RYR2: variants seen among roughly 807,000 people sequenced by gnomAD.
RYR2 encodes cardiac muscle ryanodine receptor-calcium release channel.
Under a neutral mutation model 601.1 loss-of-function variants are expected in RYR2, and 227 were observed. The observed-to-expected ratio is 0.38, with a 90% CI of 0.34 to 0.42. RYR2 has a LOEUF of 0.42. RYR2 is among the 10% of genes least tolerant of loss of function. The pLI is 1.00. For missense variants in RYR2, 4,646 were observed against 6,156.5 expected (o/e 0.75, Z 8.21); for synonymous variants, 2,223 against 2,175.1 (o/e 1.02, Z -0.61).
At chr1:237,584,717 G>A (rs573620456) in intron 29 of RYR2, among the ~76,000 whole-genome samples, 157 of 131,426 alleles carry the variant, frequency 1.2e-3, no homozygotes, top group Non-Finnish European at 2.0e-3. Context: ...CTAGAGTAGT[G>A]TGGAGTGATC....
intron 2 of RYR2, among the ~76,000 whole-genome samples, chr1:237,309,016 C>T (rs1694227008): frequency 6.6e-6 from 1 of 152,204 alleles, no homozygotes; most frequent in African/African-American, 2.4e-5. Flanking sequence ...CTGATTGGTG[C>T]ATTTACAAAC....
At chr1:237,556,902 A>C (rs1572862441) in intron 27 of RYR2, among the ~76,000 whole-genome samples, 2 of 96,178 alleles carry the variant, frequency 2.1e-5, no homozygotes, top group South Asian at 3.0e-4. Context: ...AAAAAAAAAA[A>C]AAAAAAACCC....
chr1:237,349,075 T>C (rs971096700), intron 3 of RYR2, among the ~76,000 whole-genome samples: 1 of 152,196 alleles, frequency 6.6e-6, no homozygotes, highest in African/African-American at 2.4e-5. Flanking sequence ...CAAACTGTGA[T>C]GGATTTGGAG....
Position 237,561,485 on chromosome 1 carries a change from A to T in RYR2, c.3215-5082A>T, listed in dbSNP as rs536084426. Among the ~76,000 whole-genome samples, 11 of 152,304 alleles carry T rather than the reference A, an allele frequency of 7.2e-5. 1 individual carries two copies. Among genetic ancestry groups the T allele is most frequent in the Admixed American group, 2.6e-4 (4 of 15,296 alleles). On this transcript the variant is annotated intron_variant, in intron 27 of 104. Transcript: ENST00000366574. ...GTCTTCAGAATTAGATGTTGAAAGGATCAAAATTTCAACAAGTAGAGATTA... is the reference window on the plus strand; with the variant it reads ...GTCTTCAGAATTAGATGTTGAAAGGTTCAAAATTTCAACAAGTAGAGATTA...
At chr1:237,532,394 A>G (rs1572747401) in intron 25 of RYR2, among the ~76,000 whole-genome samples, 1 of 152,166 alleles carries the variant, frequency 6.6e-6, no homozygotes, top group Admixed American at 6.5e-5. Context: ...GTTTATTATG[A>G]AAAATCATAT....
intron 2 of RYR2, among the ~76,000 whole-genome samples, chr1:237,299,199 C>T (rs982379343): frequency 8.8e-5 from 13 of 147,402 alleles, no homozygotes; most frequent in East Asian, 4.3e-4. Flanking sequence ...AGTAAATCTC[C>T]GCTTAAATCC....
intron 12 of RYR2, 68 bp from the exon 13 acceptor site, chr1:237,441,251 A>G (rs1401825661): frequency 1.5e-5 from 23 of 1,577,360 alleles, no homozygotes; most frequent in Non-Finnish European, 1.9e-5. Flanking sequence ...CAATAAGGCA[A>G]AATTCTATTG....
chr1:237,788,146 T>G lies in RYR2; in HGVS notation c.13476+11T>G. On this transcript the variant is annotated intron_variant, in intron 92 of 104. Transcript: ENST00000366574. ...CAACAGAAACTTCTAGTAAGATGTT[T>G]TAGAATGAATATTGTTACTGATATA... 1 of 1,600,862 alleles carries G rather than the reference T, an allele frequency of 6.2e-7. No individual in the cohort carries two copies. Among genetic ancestry groups the G allele is most frequent in the Middle Eastern group, 1.7e-4 (1 of 6,018 alleles).
intron 4 of RYR2, among the ~76,000 whole-genome samples, chr1:237,356,215 C>T (rs943205089): frequency 6.6e-6 from 1 of 152,128 alleles, no homozygotes; most frequent in African/African-American, 2.4e-5. Flanking sequence ...CCTAGAACCA[C>T]ATAGTTTTTA....
intron 10 of RYR2, among the ~76,000 whole-genome samples, chr1:237,392,765 G>C (rs1010259292): frequency 6.6e-6 from 1 of 152,064 alleles, no homozygotes; most frequent in Non-Finnish European, 1.5e-5. Flanking sequence ...AAGATTATTT[G>C]GGGCCTTTAG....
At chr1:237,227,206 T>G (rs1684464570) in intron 1 of RYR2, among the ~76,000 whole-genome samples, 1 of 152,146 alleles carries the variant, frequency 6.6e-6, no homozygotes, top group African/African-American at 2.4e-5. Flanking sequence ...AATTATTATA[T>G]ACTTAAAAAT....
intron 66 of RYR2, 106 bp from the exon 67 acceptor site, chr1:237,705,107 A>G: frequency 2.1e-6 from 2 of 945,896 alleles, no homozygotes; most frequent in Non-Finnish European, 3.2e-6. Flanking sequence ...TAATTTTATT[A>G]GGACCAATAT....
chr1:237,533,396 G>T (rs961504741), intron 25 of RYR2, among the ~76,000 whole-genome samples: 1 of 152,118 alleles, frequency 6.6e-6, no homozygotes, highest in African/African-American at 2.4e-5. Context: ...GTACCCAACA[G>T]TTCCACTCAT....
intron 24 of RYR2, among the ~76,000 whole-genome samples, chr1:237,525,294 T>C (rs779839735): frequency 2.6e-5 from 4 of 152,172 alleles, no homozygotes; most frequent in Non-Finnish European, 5.9e-5. Context: ...AAGGACATGA[T>C]TTCATTCTTT....
intron 2 of RYR2, among the ~76,000 whole-genome samples, chr1:237,293,523 T>C (rs1347748350): frequency 6.6e-6 from 1 of 152,174 alleles, no homozygotes; most frequent in Non-Finnish European, 1.5e-5. Flanking sequence ...TACTTCAGAT[T>C]CCAGCTGCAA....
intron 12 of RYR2, among the ~76,000 whole-genome samples, chr1:237,425,529 G>A (rs946586881): frequency 2.6e-5 from 4 of 152,082 alleles, no homozygotes; most frequent in African/African-American, 9.7e-5. Context: ...AGCTACTCGG[G>A]AAGCTGAGGC....
chr1:237,607,366 T>C (rs1322509467), intron 35 of RYR2, among the ~76,000 whole-genome samples: 1 of 151,796 alleles, frequency 6.6e-6, no homozygotes, highest in Non-Finnish European at 1.5e-5. Context: ...CAGGTGGGAA[T>C]TGAACAATGA....
At chr1:237,436,153 A>G (rs1033763452) in intron 12 of RYR2, among the ~76,000 whole-genome samples, 1 of 152,280 alleles carries the variant, frequency 6.6e-6, no homozygotes, top group Middle Eastern at 3.4e-3. Context: ...CTCATAGTCA[A>G]TTGATAAGGA....
chr1:237,621,740 T>C (rs1344973045), intron 38 of RYR2, among the ~76,000 whole-genome samples: 1 of 152,178 alleles, frequency 6.6e-6, no homozygotes, highest in Non-Finnish European at 1.5e-5. Flanking sequence ...ATACAATTAA[T>C]ATTTACCAAT....
Sources: gnomAD v4.1 joint callset for allele counts (sites outside exome capture counted in the v4.1 genomes callset) on GRCh38, gnomAD v4.1.1 for gene constraint, MANE v1.5 for transcripts, NCBI Gene and HGNC (gene_info 2026-07-23, HGNC 2026-07-21) for gene names.